The following MYEF2 variants were observed in gnomAD, a reference collection of about 807,000 sequenced individuals.
MYEF2 encodes myelin gene expression factor 2.
A neutral mutation model predicts 75.2 loss-of-function variants in MYEF2; 37 were observed. The observed-to-expected ratio is 0.49, with a 90% CI of 0.38 to 0.65. The LOEUF is 0.65. Ranked by LOEUF, MYEF2 falls within the 30% of genes least tolerant of loss-of-function variation. The probability of loss-of-function intolerance (pLI) is 0.00; values close to 1 mark genes in which losing one functional copy is unlikely to be tolerated. For missense variants in MYEF2, 634 were observed against 771.4 expected, an observed-to-expected ratio of 0.82 and a Z score of 2.11; for synonymous variants, 195 against 241.6, an observed-to-expected ratio of 0.81 and a Z score of 1.79.
Position 48,141,811 on chromosome 15 carries a change from A to G in MYEF2, c.*1097T>C, listed in dbSNP as rs560696854. 1.5e-5 allele frequency: 5 copies of G among 329,400 alleles called. No individual in the cohort carries two copies. The highest frequency in any genetic ancestry group is 2.7e-5 in the Non-Finnish European group (5 of 183,346). 20.4% of individuals were successfully genotyped at this position (329,400 alleles called of 1,614,324 possible). ...AATAAGCTATATACCTTATTGAAAA[A>G]TGGTTTAATAAATATAATTATTAAA... On this transcript the variant is annotated 3_prime_UTR_variant, in exon 17 of 17. Transcript: ENST00000324324.
rs1401132576 is a variant in MYEF2 at position 48,149,391 on chromosome 15, C to CG, written c.1379-21dup. On this transcript the variant is annotated intron_variant, in intron 14 of 16. Transcript: ENST00000324324. The surrounding 1 kb of genome is among the most constrained non-coding windows in gnomAD (Gnocchi z 4.0). ...CACCACCTGGATTTTCAAGAAAGGA[C>CG]GGGGGGATTTGGGAATTTTGTGTTT... The CG allele has an allele frequency of 1.2e-6, 2 of 1,606,204 alleles. No individual in the cohort carries two copies. Among genetic ancestry groups the CG allele is most frequent in the Admixed American group, 1.7e-5 (1 of 59,682 alleles).
intron 9 of MYEF2, among the ~76,000 whole-genome samples, chr15:48,155,680 A>C (rs1192072356): frequency 6.6e-6 from 1 of 151,598 alleles, no homozygotes; most frequent in East Asian, 2.0e-4. Flanking sequence ...TAAAATGAAA[A>C]AGTACAAAGG....
At chr15:48,172,433 AC>A (rs927548032) in intron 1 of MYEF2, among the ~76,000 whole-genome samples, 1 of 151,626 alleles carries the variant, frequency 6.6e-6, no homozygotes, top group African/African-American at 2.4e-5. Flanking sequence ...ATCTCCAACA[AC>A]CTAACTTTAC....
At chr15:48,152,081 T>C in intron 11 of MYEF2, 139 bp from the exon 12 acceptor site, 1 of 1,142,092 alleles carries the variant, frequency 8.8e-7, no homozygotes, top group African/African-American at 1.5e-5. Context: ...TCACCTTCCT[T>C]TAAGTATGTA....
At chr15:48,158,664 A>G in intron 7 of MYEF2, 105 bp downstream of exon 7, 8 of 1,346,082 alleles carry the variant, frequency 5.9e-6, no homozygotes, top group Non-Finnish European at 8.3e-6. Flanking sequence ...TCTAACACAC[A>G]TCTCTAAGCC....
chr15:48,139,097 T>G lies in MYEF2; in HGVS notation c.*3811A>C, dbSNP rs955429242. The G allele has an allele frequency of 3.1e-6, 5 of 1,613,116 alleles. No homozygotes were observed. The highest frequency in any genetic ancestry group is 1.7e-5 in the Admixed American group (1 of 59,978). On this transcript the variant is annotated 3_prime_UTR_variant, in exon 17 of 17. Transcript: ENST00000324324. ...TAGAAAAAAGTTTTGGAAAAACTAC[T>G]TTGTGATAACCTTTTTCATGTCTGC...
At chr15:48,158,983 C>T (rs2039822874) in intron 6 of MYEF2, 61 bp from the exon 7 acceptor site, 1 of 1,444,976 alleles carries the variant, frequency 6.9e-7, no homozygotes, top group Admixed American at 2.0e-5. Context: ...TCTGTAAATA[C>T]AAAAAATCTT....
chr15:48,148,998 A>G (rs780495668), intron 16 of MYEF2, 34 bp downstream of exon 16: 1 of 1,608,374 alleles, frequency 6.2e-7, no homozygotes, highest in Non-Finnish European at 8.5e-7. Context: ...TCCATAATCA[A>G]TATCAACATA....
Position 48,137,110 on chromosome 15 carries a change from A to G in MYEF2, c.*5798T>C. 1 of 754,654 alleles carries G rather than the reference A, an allele frequency of 1.3e-6. No individual in the cohort carries two copies. The highest frequency in any genetic ancestry group is 2.7e-5 in the East Asian group (1 of 37,038). 46.7% of individuals were successfully genotyped at this position (754,654 alleles called of 1,614,324 possible). Reference sequence around the variant, plus strand: ...GATAAAGACCAAGTCCCTACCTTTAAGGAACTTCCAATATCACAGGAAATA... The same window carrying G: ...GATAAAGACCAAGTCCCTACCTTTAGGGAACTTCCAATATCACAGGAAATA... On this transcript the variant is annotated 3_prime_UTR_variant, in exon 17 of 17. Coordinates refer to ENST00000324324, the MANE Select transcript of MYEF2 (RefSeq NM_016132.5).
chr15:48,157,731 C>A (rs1597322791), intron 9 of MYEF2: 5 of 1,151,446 alleles, frequency 4.3e-6, no homozygotes, highest in East Asian at 4.2e-5. Flanking sequence ...ACTTTTTTTC[C>A]TTCAAGTGTA....
chr15:48,171,722 T>C (rs2040349456), intron 1 of MYEF2, among the ~76,000 whole-genome samples: 1 of 152,140 alleles, frequency 6.6e-6, no homozygotes, highest in African/African-American at 2.4e-5. Flanking sequence ...AAGTCATAAA[T>C]ACTTTGGAAG....
chr15:48,159,762 C>A lies in MYEF2; in HGVS notation c.568G>T (p.Gly190Ter). The A allele has an allele frequency of 6.2e-7, 1 of 1,613,506 alleles. No individual in the cohort carries two copies. The highest frequency in any genetic ancestry group is 8.5e-7 in the Non-Finnish European group (1 of 1,179,716). The stretch of plus-strand genomic sequence containing the variant: ...ACGTGTCCTCCTGGAAATGATCCTC[C>A]TGTTCGCTGCAATGCCCTACGAGCA... ...ENARRALQRT[G>*]GSFPGGHVPD... Residue 190 changes from glycine (G) to a stop codon, truncating the protein, a stop_gained, in exon 6 of 17, where the codon GGA becomes TGA. Transcript: ENST00000324324. LOFTEE classifies it high-confidence loss of function.
At chr15:48,159,428 T>G (rs1438851309) in intron 6 of MYEF2, among the ~76,000 whole-genome samples, 185 bp downstream of exon 6, 1 of 152,046 alleles carries the variant, frequency 6.6e-6, no homozygotes, top group Non-Finnish European at 1.5e-5. Context: ...AACTCTAACC[T>G]TGTGCGTGTG....
At chr15:48,148,602 G>A (rs758417598) in intron 16 of MYEF2, among the ~76,000 whole-genome samples, 1 of 151,796 alleles carries the variant, frequency 6.6e-6, no homozygotes, top group Admixed American at 6.6e-5. Flanking sequence ...TTTATCAATT[G>A]GACATCAGCA....
At chr15:48,154,623 G>A (rs1056524105) in intron 9 of MYEF2, among the ~76,000 whole-genome samples, 9 of 152,098 alleles carry the variant, frequency 5.9e-5, no homozygotes, top group African/African-American at 1.9e-4. Flanking sequence ...TACTTTCAAA[G>A]TGCTTAGAGA....
intron 5 of MYEF2, 96 bp downstream of exon 5, chr15:48,165,837 A>C: frequency 1.2e-6 from 1 of 855,416 alleles, no homozygotes; most frequent in South Asian, 1.9e-5. Context: ...TTTTAAAAAA[A>C]AGTTGTAGTC....
chr15:48,142,399 G>C lies in MYEF2; in HGVS notation c.*509C>G, dbSNP rs1261812980. The C allele has an allele frequency of 7.9e-7, 1 of 1,263,376 alleles. No individual in the cohort carries two copies. The highest frequency in any genetic ancestry group is 1.5e-5 in the African/African-American group (1 of 66,826). 78.3% of individuals were successfully genotyped at this position (1,263,376 alleles called of 1,614,324 possible). A position where few individuals can be genotyped will look rare whatever the true frequency, so the allele number is the denominator to read the frequency against. On this transcript the variant is annotated 3_prime_UTR_variant, in exon 17 of 17. Transcript: ENST00000324324. ...AAAATATGAATGGCAGGGAGGGGCA[G>C]AGAGAAAAATCCATTTCTTCATTTA...
At position 48,141,567 on chromosome 15, in the gene MYEF2, G is replaced by A. The variant is rs545689180; in HGVS notation, c.*1341C>T. ...ACTCCAGCAGCCTGGGCAACAGAGCGAGACTGTGTCTCAAAAAACAAAAAC... is the reference window on the plus strand; with the variant it reads ...ACTCCAGCAGCCTGGGCAACAGAGCAAGACTGTGTCTCAAAAAACAAAAAC... On this transcript the variant is annotated 3_prime_UTR_variant, in exon 17 of 17. Coordinates refer to ENST00000324324, the MANE Select transcript of MYEF2 (RefSeq NM_016132.5). 52 of 159,630 alleles carry A rather than the reference G, an allele frequency of 3.3e-4. No individual in the cohort carries two copies. The highest frequency in any genetic ancestry group is 1.4e-3 in the South Asian group (7 of 5,106). The allele number at this position is 159,630 out of a possible 1,614,324, so 9.9% of individuals were successfully genotyped here.
intron 1 of MYEF2, among the ~76,000 whole-genome samples, chr15:48,176,736 T>G (rs1285983076): frequency 1.3e-5 from 2 of 152,230 alleles, no homozygotes; most frequent in Non-Finnish European, 2.9e-5. Flanking sequence ...TTCATTTCTA[T>G]TTTTAATGCC....
Sources: allele counts gnomAD v4.1 joint callset (sites outside exome capture counted in the v4.1 genomes callset), GRCh38; gene constraint gnomAD v4.1.1; non-coding constraint Gnocchi (gnomAD v3.1); transcripts MANE v1.5; gene names NCBI Gene and HGNC (gene_info 2026-07-23, HGNC 2026-07-21).